The following CPNE4 variants were observed in gnomAD, a reference collection of about 807,000 sequenced individuals.
CPNE4 encodes copine-4.
CPNE4 carries 25 observed loss-of-function variants against 67.9 expected under a neutral mutation model. The ratio of observed to expected loss-of-function variants is 0.37; its 90% CI spans 0.27 to 0.51. CPNE4 has a LOEUF of 0.51. Ranked by LOEUF, CPNE4 falls within the 20% of genes least tolerant of loss-of-function variation. CPNE4 has a pLI of 0.93. For missense variants in CPNE4, 464 were observed against 690.8 expected (o/e 0.67, Z 3.68); for synonymous variants, 242 against 244.9 (o/e 0.99, Z 0.11).
At chr3:131,944,260 G>T (rs939839416) in intron 1 of CPNE4, among the ~76,000 whole-genome samples, 3 of 151,438 alleles carry the variant, frequency 2.0e-5, no homozygotes, top group Admixed American at 6.6e-5. Context: ...TGCAGGGAAA[G>T]CCCAGAGCAG....
Position 131,587,591 on chromosome 3 carries a change from G to A in CPNE4, c.682-9C>T. Reference sequence around the variant, plus strand: ...CAGTCCCATACTATGCACTGTAAGAGAAAACAATGATCTTTCTTAAAAAAT... The same window carrying A: ...CAGTCCCATACTATGCACTGTAAGAAAAAACAATGATCTTTCTTAAAAAAT... On this transcript the variant is annotated splice_polypyrimidine_tract_variant and intron_variant, in intron 7 of 15. Coordinates refer to ENST00000429747, the MANE Select transcript of CPNE4 (RefSeq NM_130808.3). 1 of 1,582,962 alleles carries A rather than the reference G, an allele frequency of 6.3e-7. No homozygotes were observed. The highest frequency in any genetic ancestry group is 1.7e-4 in the Middle Eastern group (1 of 6,000).
chr3:132,013,953 T>C (rs980027174), intron 1 of CPNE4, among the ~76,000 whole-genome samples: 1 of 152,112 alleles, frequency 6.6e-6, no homozygotes, highest in Non-Finnish European at 1.5e-5. Context: ...AGGTGATCAA[T>C]AAGTATTTGG....
intron 2 of CPNE4, among the ~76,000 whole-genome samples, chr3:131,840,577 G>A (rs558573792): frequency 2.0e-5 from 3 of 152,304 alleles, no homozygotes; most frequent in Admixed American, 2.0e-4. Context: ...AGATGATGTG[G>A]CTCTTGAACA....
intron 2 of CPNE4, among the ~76,000 whole-genome samples, chr3:131,877,394 AT>A (rs140103197): frequency 2.0e-3 from 307 of 152,312 alleles, no homozygotes; most frequent in African/African-American, 7.0e-3. Context: ...TGGTGGTGAT[AT>A]GGAGCAGCTG....
intron 2 of CPNE4, among the ~76,000 whole-genome samples, chr3:131,776,935 C>T (rs186854057): frequency 6.6e-6 from 1 of 152,074 alleles, no homozygotes; most frequent in Non-Finnish European, 1.5e-5. Flanking sequence ...TATGACAGGG[C>T]AATTCATTAC....
At chr3:131,665,920 T>C (rs1219486062) in intron 7 of CPNE4, among the ~76,000 whole-genome samples, 1 of 152,160 alleles carries the variant, frequency 6.6e-6, no homozygotes, top group Non-Finnish European at 1.5e-5. Flanking sequence ...GAAGATTCAA[T>C]ATTATAAAGA....
At chr3:131,628,878 G>GT (rs554785485) in intron 7 of CPNE4, among the ~76,000 whole-genome samples, 36,727 of 146,938 alleles carry the variant, frequency 0.25, 6,831 homozygotes, top group African/African-American at 0.58. Flanking sequence ...TTTTTGAAGG[G>GT]TTTTTTGTGT....
chr3:131,730,575 A>G (rs2082104494), intron 2 of CPNE4, among the ~76,000 whole-genome samples: 1 of 152,196 alleles, frequency 6.6e-6, no homozygotes, highest in Non-Finnish European at 1.5e-5. Context: ...ACTTAGGATA[A>G]GGTCATACTG....
intron 12 of CPNE4, among the ~76,000 whole-genome samples, chr3:131,554,106 T>C (rs988787251): frequency 6.6e-6 from 1 of 152,092 alleles, no homozygotes. Flanking sequence ...AACCTGAGGC[T>C]GGAAGACCAC....
intron 1 of CPNE4, among the ~76,000 whole-genome samples, chr3:131,932,297 T>C (rs1049288045): frequency 6.6e-6 from 1 of 152,180 alleles, no homozygotes; most frequent in Non-Finnish European, 1.5e-5. Flanking sequence ...ATCTGAAATA[T>C]GACATATTAT....
intron 1 of CPNE4, among the ~76,000 whole-genome samples, chr3:131,953,577 T>C (rs970289756): frequency 6.6e-6 from 1 of 152,234 alleles, no homozygotes; most frequent in Non-Finnish European, 1.5e-5. Context: ...TTCACTTGAT[T>C]ATGGTGGCGT....
At chr3:131,603,610 G>A (rs1326789277) in intron 7 of CPNE4, among the ~76,000 whole-genome samples, 1 of 152,106 alleles carries the variant, frequency 6.6e-6, no homozygotes, top group East Asian at 1.9e-4. Context: ...CAACCCCAGG[G>A]TTATAAGACA....
chr3:132,008,817 C>G (rs181759460), intron 1 of CPNE4, among the ~76,000 whole-genome samples: 1 of 152,138 alleles, frequency 6.6e-6, no homozygotes, highest in Admixed American at 6.5e-5. Flanking sequence ...GATGATATCA[C>G]TCAAGAAGGA....
intron 1 of CPNE4, among the ~76,000 whole-genome samples, chr3:132,010,706 C>T (rs1325270318): frequency 6.6e-6 from 1 of 152,178 alleles, no homozygotes; most frequent in Non-Finnish European, 1.5e-5. Flanking sequence ...GGCCGTGACT[C>T]TCTTCATTGC....
intron 1 of CPNE4, among the ~76,000 whole-genome samples, chr3:132,007,441 T>C (rs991686544): frequency 2.6e-5 from 4 of 152,186 alleles, no homozygotes; most frequent in Non-Finnish European, 4.4e-5. Context: ...CCCAACTCCA[T>C]GCTTGCAAAA....
chr3:131,585,186 G>T (rs1938096223), intron 8 of CPNE4, among the ~76,000 whole-genome samples: 1 of 152,184 alleles, frequency 6.6e-6, no homozygotes, highest in Admixed American at 6.5e-5. Flanking sequence ...AACTGGTTTA[G>T]TTTTGTAATA....
chr3:132,021,989 A>C (rs919077196), intron 1 of CPNE4, among the ~76,000 whole-genome samples: 1 of 152,228 alleles, frequency 6.6e-6, no homozygotes, highest in Admixed American at 6.5e-5. Flanking sequence ...TCCCCAGCAT[A>C]GGGAAGATGA....
At chr3:131,907,061 C>CTTTTT (rs2107780338) in intron 1 of CPNE4, among the ~76,000 whole-genome samples, 1 of 152,160 alleles carries the variant, frequency 6.6e-6, no homozygotes, top group South Asian at 2.1e-4. Flanking sequence ...TGAACAGACA[C>CTTTTT]TTCTCAAAAG....
intron 1 of CPNE4, among the ~76,000 whole-genome samples, chr3:131,929,550 T>C (rs2070994748): frequency 6.7e-6 from 1 of 149,966 alleles, no homozygotes; most frequent in African/African-American, 2.5e-5. Flanking sequence ...CTCCATGTCT[T>C]CACAGGGCCT....
Sources: gnomAD v4.1 joint callset for allele counts (sites outside exome capture counted in the v4.1 genomes callset) on GRCh38, gnomAD v4.1.1 for gene constraint, MANE v1.5 for transcripts, NCBI Gene and HGNC (gene_info 2026-07-23, HGNC 2026-07-21) for gene names.